Variants in SUPT3H observed in about 807,000 individuals in gnomAD.
SUPT3H encodes SPT3 homolog, SAGA and STAGA complex component.
SUPT3H carries 44 observed loss-of-function variants against 44.3 expected under a neutral mutation model. The ratio of observed to expected loss-of-function variants is 0.99; its 90% CI spans 0.78 to 1.28. The LOEUF (loss-of-function observed/expected upper bound fraction) is 1.28, where lower values mean the gene tolerates loss of function less well. SUPT3H is among the 50% of genes most tolerant of loss of function. SUPT3H has a pLI of 0.00. For missense variants in SUPT3H, 380 were observed against 387.1 expected, an observed-to-expected ratio of 0.98 and a Z score of 0.15; for synonymous variants, 124 against 125.6, an observed-to-expected ratio of 0.99 and a Z score of 0.09.
intron 1 of SUPT3H, among the ~76,000 whole-genome samples, chr6:45,366,105 T>C (rs543513602): frequency 1.3e-5 from 2 of 152,324 alleles, no homozygotes; most frequent in East Asian, 3.9e-4. Context: ...ATACTGGAAG[T>C]GCTCAATAAA....
chr6:45,021,888 A>G (rs1025465510), intron 3 of SUPT3H, among the ~76,000 whole-genome samples: 1 of 152,022 alleles, frequency 6.6e-6, no homozygotes, highest in African/African-American at 2.4e-5. Context: ...CTATCTAAAT[A>G]TAGAAATTTA....
intron 3 of SUPT3H, among the ~76,000 whole-genome samples, chr6:45,079,789 G>A (rs1302568549): frequency 6.6e-6 from 1 of 152,130 alleles, no homozygotes; most frequent in African/African-American, 2.4e-5. Context: ...GCCATGTACA[G>A]AAGTCAAGTC....
chr6:45,051,060 A>G (rs547463309), intron 3 of SUPT3H, among the ~76,000 whole-genome samples: 1 of 151,828 alleles, frequency 6.6e-6, no homozygotes, highest in East Asian at 1.9e-4. Flanking sequence ...AATTTTTTGC[A>G]TTTTTAATAG....
rs189391924 is a variant in SUPT3H at position 45,273,667 on chromosome 6, C to G, written c.101+91534G>C. On this transcript the variant is annotated intron_variant, in intron 2 of 10. Transcript: ENST00000371459. ...TTAATTCCTTTTTATTATCAAATAA[C>G]AATATTTAATTGTATGACTCCTCCA... Among the ~76,000 whole-genome samples the G allele has an allele frequency of 3.3e-5, 5 of 152,204 alleles. No homozygotes were observed. In the East Asian group the frequency reaches 7.7e-4, roughly 23 times the overall value.
In SUPT3H at chr6:45,024,890, C is replaced by A. The variant is rs1048125693; in HGVS notation, c.187-4258G>T. On this transcript the variant is annotated intron_variant, in intron 3 of 10. Coordinates refer to ENST00000371459, the MANE Select transcript of SUPT3H (RefSeq NM_003599.4). ...GAATGCATAACCTGGGACACTGGGC[C>A]TTTTCTGGCCTTTGGTCTCAGACTG... 2.6e-5 allele frequency among the ~76,000 whole-genome samples: 4 copies of A among 152,108 alleles called. No homozygotes were observed. The East Asian group carries it at 7.7e-4, about 29-fold the overall frequency.
At chr6:45,203,024 C>A (rs1488750075) in intron 2 of SUPT3H, among the ~76,000 whole-genome samples, 2 of 151,880 alleles carry the variant, frequency 1.3e-5, no homozygotes, top group African/African-American at 4.8e-5. Flanking sequence ...GTAAAGATAA[C>A]ATAATCAAGG....
chr6:45,293,391 A>G (rs540815771), intron 2 of SUPT3H, among the ~76,000 whole-genome samples: 1 of 152,312 alleles, frequency 6.6e-6, no homozygotes, highest in Non-Finnish European at 1.5e-5. Context: ...AGTCTGAAAG[A>G]GCACAGACAG....
intron 6 of SUPT3H, among the ~76,000 whole-genome samples, chr6:44,963,485 G>A (rs773692753): frequency 7.9e-5 from 12 of 152,182 alleles, no homozygotes; most frequent in Non-Finnish European, 1.6e-4. Flanking sequence ...GTGAGACTCC[G>A]TCTCAAACAA....
At chr6:45,281,134 G>A (rs1010404248) in intron 2 of SUPT3H, among the ~76,000 whole-genome samples, 1 of 152,132 alleles carries the variant, frequency 6.6e-6, no homozygotes, top group Admixed American at 6.5e-5. Context: ...GGCCGAATAG[G>A]AACAGCTCCA....
chr6:44,903,880 C>T (rs567230085), intron 10 of SUPT3H, among the ~76,000 whole-genome samples: 15 of 152,192 alleles, frequency 9.9e-5, no homozygotes, highest in African/African-American at 2.6e-4. Flanking sequence ...GTTCAACATA[C>T]GAAAATCAAT....
chr6:45,120,501 A>C (rs956469615), intron 2 of SUPT3H, among the ~76,000 whole-genome samples: 19 of 150,314 alleles, frequency 1.3e-4, no homozygotes, highest in African/African-American at 4.4e-4. Context: ...TGATACTTTG[A>C]TAAAATTGGA....
intron 1 of SUPT3H, among the ~76,000 whole-genome samples, chr6:45,368,001 T>C (rs1020932988): frequency 6.6e-6 from 1 of 152,178 alleles, no homozygotes; most frequent in Non-Finnish European, 1.5e-5. Flanking sequence ...AGTCCTATCA[T>C]TCCAATGCTC....
At chr6:44,971,617 C>A (rs1425551480) in intron 6 of SUPT3H, among the ~76,000 whole-genome samples, 1 of 152,146 alleles carries the variant, frequency 6.6e-6, no homozygotes, top group Non-Finnish European at 1.5e-5. Context: ...GGGTCCTTCC[C>A]ATGACACATG....
chr6:44,848,362 C>T (rs113534654), intron 10 of SUPT3H, among the ~76,000 whole-genome samples: 68 of 152,274 alleles, frequency 4.5e-4, no homozygotes, highest in African/African-American at 1.6e-3. Context: ...ATTAGAGCCA[C>T]TTGGGGAACT....
chr6:45,100,600 T>C (rs1234303443), intron 3 of SUPT3H, among the ~76,000 whole-genome samples: 1 of 94,788 alleles, frequency 1.1e-5, no homozygotes, highest in East Asian at 4.0e-4. Context: ...GAAAAAACTC[T>C]AAATGTCACT....
At chr6:45,280,391 A>C (rs1341385418) in intron 2 of SUPT3H, among the ~76,000 whole-genome samples, 2 of 152,158 alleles carry the variant, frequency 1.3e-5, no homozygotes, top group Non-Finnish European at 2.9e-5. Context: ...CTGTAATCCC[A>C]GCTACTCGGG....
intron 3 of SUPT3H, among the ~76,000 whole-genome samples, chr6:45,096,150 T>C (rs927226594): frequency 6.6e-6 from 1 of 152,034 alleles, no homozygotes; most frequent in African/African-American, 2.4e-5. Flanking sequence ...AAACTAAGAG[T>C]TTGAAACCTT....
intron 2 of SUPT3H, among the ~76,000 whole-genome samples, chr6:45,134,016 T>C (rs991536865): frequency 1.3e-5 from 2 of 152,318 alleles, no homozygotes; most frequent in South Asian, 2.1e-4. Context: ...TAATAAAGTT[T>C]GTTCCTGTCT....
intron 2 of SUPT3H, among the ~76,000 whole-genome samples, chr6:45,311,156 G>C (rs942675295): frequency 6.6e-6 from 1 of 152,146 alleles, no homozygotes; most frequent in Non-Finnish European, 1.5e-5. Context: ...CTCAGCAATA[G>C]AACAGAACAA....
Sources: allele counts gnomAD v4.1 joint callset (sites outside exome capture counted in the v4.1 genomes callset), GRCh38; gene constraint gnomAD v4.1.1; transcripts MANE v1.5; gene names NCBI Gene and HGNC (gene_info 2026-07-23, HGNC 2026-07-21).